Variants in GSK3B observed in about 807,000 individuals in gnomAD.
GSK3B encodes glycogen synthase kinase-3 beta.
GSK3B carries 15 observed loss-of-function variants against 56.4 expected under a neutral mutation model. That is an observed-to-expected ratio of 0.27 (90% CI 0.18 to 0.41). The LOEUF is 0.41. Ranked by LOEUF, GSK3B falls within the 10% of genes least tolerant of loss-of-function variation. GSK3B has a pLI of 1.00. For synonymous variants in GSK3B, 181 were observed against 188.9 expected (o/e 0.96, Z 0.34); for missense variants, 300 against 513.4 (o/e 0.58, Z 4.02).
chr3:119,961,970 T>G (rs766000148), intron 2 of GSK3B, among the ~76,000 whole-genome samples: 3 of 152,356 alleles, frequency 2.0e-5, no homozygotes, highest in Admixed American at 6.5e-5. Context: ...TAAGCTATAA[T>G]GTACTACAGA....
chr3:119,938,054 T>G (rs953814546), intron 3 of GSK3B, among the ~76,000 whole-genome samples: 5 of 151,946 alleles, frequency 3.3e-5, no homozygotes, highest in African/African-American at 1.2e-4. Context: ...ATACACAGAT[T>G]ATCAAACTGA....
intron 1 of GSK3B, among the ~76,000 whole-genome samples, chr3:120,079,982 T>C (rs546047523): frequency 6.6e-6 from 1 of 152,256 alleles, no homozygotes; most frequent in East Asian, 1.9e-4. Flanking sequence ...CAGAAAGTCA[T>C]ATTCGACCAC....
intron 1 of GSK3B, among the ~76,000 whole-genome samples, chr3:120,076,290 T>C (rs551988693): frequency 6.6e-6 from 1 of 152,300 alleles, no homozygotes; most frequent in South Asian, 2.1e-4. Flanking sequence ...TCCTTGACAT[T>C]GGTCTTGGCA....
chr3:119,821,873 G>T lies in GSK3B; in HGVS notation c.*4915C>A. On this transcript the variant is annotated 3_prime_UTR_variant, in exon 11 of 11. Transcript: ENST00000264235. ...TAATTAGAGGAATGGAAATGGTGAT[G>T]TGACTACATATTGCAGCGGCAAAAT... 1 of 173,096 alleles carries T rather than the reference G, an allele frequency of 5.8e-6. No individual in the cohort carries two copies. The highest frequency in any genetic ancestry group is 1.3e-5 in the Non-Finnish European group (1 of 79,836). 10.7% of individuals were successfully genotyped at this position (173,096 alleles called of 1,614,324 possible). A position where few individuals can be genotyped will look rare whatever the true frequency, so the allele number is the denominator to read the frequency against.
At chr3:119,930,118 CACACACGT>C (rs907867087) in intron 3 of GSK3B, among the ~76,000 whole-genome samples, 42 of 150,262 alleles carry the variant, frequency 2.8e-4, no homozygotes, top group South Asian at 4.2e-4. Flanking sequence ...CACACACACA[CACACACGT>C]GCGCATGCAC....
chr3:120,031,985 T>C lies in GSK3B; in HGVS notation c.89-29746A>G, dbSNP rs966597434. ...GATTAACACTTAATGTCTCTACTTA[T>C]GTTGTCCTAGTCACTACATGAGCTA... is the stretch of plus-strand genomic sequence containing the variant. On this transcript the variant is annotated intron_variant, in intron 1 of 10. Transcript: ENST00000264235. Among the ~76,000 whole-genome samples the C allele has an allele frequency of 5.3e-5, 8 of 152,332 alleles. No homozygotes were observed. The East Asian group carries it at 5.8e-4, about 11-fold the overall frequency.
In GSK3B at chr3:120,093,647, A is replaced by T. The variant is rs940863410; in HGVS notation, c.-213T>A. 8 of 453,764 alleles carry T rather than the reference A, an allele frequency of 1.8e-5. No individual in the cohort carries two copies. Among genetic ancestry groups the T allele is most frequent in the South Asian group, 9.6e-5 (2 of 20,830 alleles). 28.1% of individuals were successfully genotyped at this position (453,764 alleles called of 1,614,324 possible). A position where few individuals can be genotyped will look rare whatever the true frequency, so the allele number is the denominator to read the frequency against. On this transcript the variant is annotated 5_prime_UTR_variant, in exon 1 of 11. Transcript: ENST00000264235. ...TCTCCTTCAAGACAGATCGGCACGG[A>T]TATTTAACATATAGATGATTTAGGA...
chr3:120,072,236 A>G (rs1006711899), intron 1 of GSK3B, among the ~76,000 whole-genome samples: 3 of 152,178 alleles, frequency 2.0e-5, no homozygotes, highest in African/African-American at 7.2e-5. Context: ...ACTCATGAAA[A>G]TGATAAATCA....
At chr3:119,844,469 T>C (rs2055827400) in intron 9 of GSK3B, among the ~76,000 whole-genome samples, 1 of 151,458 alleles carries the variant, frequency 6.6e-6, no homozygotes, top group South Asian at 2.1e-4. Flanking sequence ...AAGAATCAAA[T>C]AGACACAATA....
intron 9 of GSK3B, among the ~76,000 whole-genome samples, chr3:119,856,373 A>G (rs2056023041): frequency 6.6e-6 from 1 of 152,220 alleles, no homozygotes; most frequent in Non-Finnish European, 1.5e-5. Context: ...TCCAAACTAC[A>G]CACAGAACTT....
chr3:120,079,305 TACACACACACAC>T (rs61338597), intron 1 of GSK3B, among the ~76,000 whole-genome samples: 3,448 of 128,450 alleles, frequency 0.027, 83 homozygotes, highest in African/African-American at 0.067. Context: ...GACAGGAAAT[TACACACACACAC>T]ACACACACAC....
At chr3:120,051,150 G>A (rs1384587174) in intron 1 of GSK3B, among the ~76,000 whole-genome samples, 1 of 145,642 alleles carries the variant, frequency 6.9e-6, no homozygotes, top group Admixed American at 6.7e-5. Flanking sequence ...TTTAATGATG[G>A]AGAAAAAAAT....
intron 1 of GSK3B, among the ~76,000 whole-genome samples, chr3:120,035,408 T>G (rs1237964303): frequency 6.6e-6 from 1 of 152,236 alleles, no homozygotes; most frequent in Non-Finnish European, 1.5e-5. Context: ...GTTTTGGTAC[T>G]TTGTTACTGC....
intron 2 of GSK3B, among the ~76,000 whole-genome samples, chr3:119,954,943 T>C (rs1458996825): frequency 1.3e-5 from 2 of 152,198 alleles, no homozygotes; most frequent in African/African-American, 4.8e-5. Flanking sequence ...TGTGGGTGTA[T>C]GATGGGCAGC....
At chr3:120,042,864 C>T (rs950566033) in intron 1 of GSK3B, among the ~76,000 whole-genome samples, 2 of 152,142 alleles carry the variant, frequency 1.3e-5, no homozygotes, top group Non-Finnish European at 2.9e-5. Context: ...TGCCATGGAC[C>T]AAATGTCTTC....
chr3:119,887,832 A>G (rs867051677), intron 7 of GSK3B, among the ~76,000 whole-genome samples: 2 of 152,092 alleles, frequency 1.3e-5, no homozygotes, highest in Admixed American at 6.6e-5. Flanking sequence ...GCCACTCACA[A>G]AGTGAAAATC....
At chr3:120,026,633 C>G (rs1337378990) in intron 1 of GSK3B, among the ~76,000 whole-genome samples, 1 of 151,358 alleles carries the variant, frequency 6.6e-6, no homozygotes, top group Non-Finnish European at 1.5e-5. Context: ...TCTCGGCTCA[C>G]TGCAACCTCC....
intron 3 of GSK3B, among the ~76,000 whole-genome samples, chr3:119,933,377 T>C (rs893066406): frequency 5.9e-5 from 9 of 152,286 alleles, no homozygotes; most frequent in Non-Finnish European, 1.2e-4. Context: ...AGTGAAGACA[T>C]AGAGCCCCCC....
chr3:119,942,499 T>G (rs1430518040), intron 3 of GSK3B, among the ~76,000 whole-genome samples: 2 of 151,868 alleles, frequency 1.3e-5, no homozygotes, highest in Non-Finnish European at 2.9e-5. Context: ...GGGGTTTCAC[T>G]ACGTTGGCCA....
Sources: allele counts gnomAD v4.1 joint callset (sites outside exome capture counted in the v4.1 genomes callset), GRCh38; gene constraint gnomAD v4.1.1; transcripts MANE v1.5; gene names NCBI Gene and HGNC (gene_info 2026-07-23, HGNC 2026-07-21).